METTL2B: variants seen among roughly 807,000 people sequenced by gnomAD.
METTL2B encodes tRNA N(3)-cytidine methyltransferase METTL2B.
A neutral mutation model predicts 51.0 loss-of-function variants in METTL2B; 28 were observed. That is an observed-to-expected ratio of 0.55 (90% CI 0.41 to 0.75). The LOEUF is 0.75. Ranked by LOEUF, METTL2B falls within the 30% of genes least tolerant of loss-of-function variation. The probability of loss-of-function intolerance (pLI) is 0.00; values close to 1 mark genes in which losing one functional copy is unlikely to be tolerated. For synonymous variants in METTL2B, 128 were observed against 166.3 expected, an observed-to-expected ratio of 0.77 and a Z score of 1.77; for missense variants, 313 against 460.7, an observed-to-expected ratio of 0.68 and a Z score of 2.93.
chr7:128,500,989 T>C (rs1247403192), intron 8 of METTL2B, 21 bp downstream of exon 8: 1 of 1,614,048 alleles, frequency 6.2e-7, no homozygotes, highest in South Asian at 1.1e-5. Flanking sequence ...CTCATCTTTT[T>C]ACGCTAAAAG....
intron 5 of METTL2B, among the ~76,000 whole-genome samples, chr7:128,490,077 C>T (rs2116855395): frequency 6.6e-6 from 1 of 152,292 alleles, no homozygotes; most frequent in East Asian, 1.9e-4. Flanking sequence ...TCAAACCCTG[C>T]TGCTGCTTTA....
At chr7:128,491,509 G>A (rs1242586686) in intron 5 of METTL2B, among the ~76,000 whole-genome samples, 8 of 151,780 alleles carry the variant, frequency 5.3e-5, no homozygotes, top group Admixed American at 2.0e-4. Flanking sequence ...CAGGAGAATC[G>A]CTTGAACCTG....
At chr7:128,493,078 A>G (rs542944997) in intron 5 of METTL2B, among the ~76,000 whole-genome samples, 30 of 152,204 alleles carry the variant, frequency 2.0e-4, no homozygotes, top group African/African-American at 6.7e-4. Flanking sequence ...GGAATGTTCT[A>G]TTTTAAACGC....
chr7:128,497,764 T>G (rs574027550), intron 6 of METTL2B, among the ~76,000 whole-genome samples: 2 of 152,322 alleles, frequency 1.3e-5, no homozygotes, highest in South Asian at 2.1e-4. Flanking sequence ...ATTACAAGCA[T>G]GAGCCACCGC....
In METTL2B at chr7:128,491,856, G is replaced by T. The variant is rs190378880; in HGVS notation, c.670-1948G>T. Among the ~76,000 whole-genome samples, 161 of 151,604 alleles carry T rather than the reference G, an allele frequency of 1.1e-3. 2 individuals carry two copies. Among genetic ancestry groups the T allele is most frequent in the African/African-American group, 2.9e-3 (119 of 41,270 alleles). ...GTGCCATGCTTTTAGAATTATTCAT[G>T]CAGTTAAAGACCAAATGAATATTGA... is the stretch of plus-strand genomic sequence containing the variant. On this transcript the variant is annotated intron_variant, in intron 5 of 8. Transcript: ENST00000262432.
chr7:128,495,921 C>T (rs2116863035), intron 6 of METTL2B, among the ~76,000 whole-genome samples: 1 of 152,264 alleles, frequency 6.6e-6, no homozygotes, highest in South Asian at 2.1e-4. Flanking sequence ...AGATTAGAGA[C>T]TTCAAACATC....
intron 5 of METTL2B, among the ~76,000 whole-genome samples, chr7:128,490,882 G>A (rs553022519): frequency 8.0e-4 from 122 of 152,144 alleles, no homozygotes; most frequent in Non-Finnish European, 1.3e-3. Flanking sequence ...ATCTGTTATG[G>A]CTGGGTGCAG....
chr7:128,476,933 A>G, intron 1 of METTL2B, 58 bp downstream of exon 1: 1 of 1,495,848 alleles, frequency 6.7e-7, no homozygotes, highest in African/African-American at 1.4e-5. Context: ...GCCGCCTCGG[A>G]GCATTCCGAA....
chr7:128,494,428 CTTCTG>C (rs754999575), intron 6 of METTL2B, among the ~76,000 whole-genome samples: 4 of 152,218 alleles, frequency 2.6e-5, no homozygotes, highest in Non-Finnish European at 4.4e-5. Flanking sequence ...TGATGTCCAA[CTTCTG>C]TTCTGGCCTC....
At position 128,502,440 on chromosome 7, in the gene METTL2B, A is replaced by G. The variant is rs762025397; in HGVS notation, c.*524A>G. The G allele has an allele frequency of 9.6e-6, 3 of 311,268 alleles. No homozygotes were observed. The highest frequency in any genetic ancestry group is 1.3e-5 in the Non-Finnish European group (2 of 159,122). The allele number at this position is 311,268 out of a possible 1,614,324, so 19.3% of individuals were successfully genotyped here. On this transcript the variant is annotated 3_prime_UTR_variant, in exon 9 of 9. Coordinates refer to ENST00000262432, the MANE Select transcript of METTL2B (RefSeq NM_018396.3). ...TGAGAGTGTAAATGCCGGGCTAGGC[A>G]ATTGCAGTTAATACATACAGGGGTT...
At chr7:128,488,193 T>A (rs777621420) in intron 5 of METTL2B, 32 bp downstream of exon 5, 1 of 1,607,744 alleles carries the variant, frequency 6.2e-7, no homozygotes, top group African/African-American at 1.3e-5. Flanking sequence ...CTATTGGTAA[T>A]TTCCACTGAT....
In METTL2B at chr7:128,504,152, A is replaced by G. The variant is rs1424720885; in HGVS notation, c.*2236A>G. ...AAATATATCCATCACAAGTAGGAAT[A>G]CATGGAAACATTAATGCCAGCCACT... On this transcript the variant is annotated 3_prime_UTR_variant, in exon 9 of 9. Transcript: ENST00000262432. 1 of 152,196 alleles carries G rather than the reference A, an allele frequency of 6.6e-6. No homozygotes were observed. Among genetic ancestry groups the G allele is most frequent in the African/African-American group, 2.4e-5 (1 of 41,460 alleles). 9.4% of individuals were successfully genotyped at this position (152,196 alleles called of 1,614,324 possible). A position where few individuals can be genotyped will look rare whatever the true frequency, so the allele number is the denominator to read the frequency against.
intron 6 of METTL2B, among the ~76,000 whole-genome samples, chr7:128,497,337 A>G (rs1163548203): frequency 2.6e-5 from 4 of 152,234 alleles, no homozygotes; most frequent in Non-Finnish European, 5.9e-5. Flanking sequence ...GAAAGAGCTC[A>G]GGTCTAATGG....
intron 7 of METTL2B, 32 bp from the exon 8 acceptor site, chr7:128,500,871 G>A: frequency 6.2e-7 from 1 of 1,613,042 alleles, no homozygotes; most frequent in Non-Finnish European, 8.5e-7. Flanking sequence ...ACACTTTAAA[G>A]TGTCTCTGAT....
At position 128,500,961 on chromosome 7, in the gene METTL2B, C is replaced by T. The variant is rs1315332375; in HGVS notation, c.975C>T (p.Phe325=). 2 of 1,614,064 alleles carry T rather than the reference C, an allele frequency of 1.2e-6. No individual in the cohort carries two copies. The highest frequency in any genetic ancestry group is 1.7e-6 in the Non-Finnish European group (2 of 1,180,004). ...VRGDGTRVYF[F]TQEELDTLFT... ...GTGATGGAACCAGAGTTTACTTCTT[C>T]ACACAAGGTATGAAACACTCATCTT... Residue 325 remains phenylalanine, a synonymous_variant, in exon 8 of 9, where the codon TTC becomes TTT. Transcript: ENST00000262432.
intron 4 of METTL2B, among the ~76,000 whole-genome samples, chr7:128,487,461 G>A (rs1051267140): frequency 1.3e-5 from 2 of 152,152 alleles, no homozygotes; most frequent in African/African-American, 4.8e-5. Flanking sequence ...AATATATAAT[G>A]TGCTTCATAA....
Position 128,502,569 on chromosome 7 carries a change from G to C in METTL2B, c.*653G>C. ...ACCCTGTAGACAGCATCAAAATGTG[G>C]TGTTCTTGTTAAGTAATTGATCGTG... On this transcript the variant is annotated 3_prime_UTR_variant, in exon 9 of 9. Transcript: ENST00000262432. 1 of 453,494 alleles carries C rather than the reference G, an allele frequency of 2.2e-6. No homozygotes were observed. The highest frequency in any genetic ancestry group is 1.6e-5 in the South Asian group (1 of 64,420). The allele number at this position is 453,494 out of a possible 1,614,324, so 28.1% of individuals were successfully genotyped here.
At position 128,493,854 on chromosome 7, in the gene METTL2B, G is replaced by A. The variant is rs751132671; in HGVS notation, c.720G>A (p.Leu240=). 9.3e-6 allele frequency: 15 copies of A among 1,612,616 alleles called. No individual in the cohort carries two copies. Among genetic ancestry groups the A allele is most frequent in the Admixed American group, 1.7e-5 (1 of 59,418 alleles). Residue 240 remains leucine (L), a synonymous_variant, in exon 6 of 9, where the codon CTG becomes CTA. Transcript: ENST00000262432. The stretch of plus-strand genomic sequence containing the variant: ...GGTGTTTTGCCTTTGTTCACGACCT[G>A]TGTGATGAAGAGAAGAGTTACCCAG... The part of the protein sequence containing the change: ...PSRCFAFVHD[L]CDEEKSYPVP...
At chr7:128,493,671 A>C in intron 5 of METTL2B, 133 bp from the exon 6 acceptor site, 1 of 1,355,038 alleles carries the variant, frequency 7.4e-7, no homozygotes, top group Non-Finnish European at 9.9e-7. Flanking sequence ...TGCCTCAAGA[A>C]AAAAAAGAAA....
Sources: gnomAD v4.1 joint callset for allele counts (sites outside exome capture counted in the v4.1 genomes callset) on GRCh38, gnomAD v4.1.1 for gene constraint, MANE v1.5 for transcripts, NCBI Gene and HGNC (gene_info 2026-07-23, HGNC 2026-07-21) for gene names.